The following MED12L variants were observed in gnomAD, a reference collection of about 807,000 sequenced individuals.
MED12L encodes the protein mediator of RNA polymerase II transcription subunit 12-like protein.
Under a neutral mutation model 281.3 loss-of-function variants are expected in MED12L, and 60 were observed. The observed-to-expected ratio is 0.21, with a 90% CI of 0.17 to 0.26. The LOEUF is 0.26. MED12L is among the 10% of genes least tolerant of loss of function. MED12L has a pLI of 1.00. For missense variants in MED12L, 2,146 were observed against 2,680.9 expected, an observed-to-expected ratio of 0.80 and a Z score of 4.41; for synonymous variants, 974 against 987.2, an observed-to-expected ratio of 0.99 and a Z score of 0.25.
intron 36 of MED12L, among the ~76,000 whole-genome samples, chr3:151,386,803 T>C (rs1713455027): frequency 6.6e-6 from 1 of 152,098 alleles, no homozygotes; most frequent in Admixed American, 6.5e-5. Flanking sequence ...CTTGAACTCC[T>C]GACCTCGTGA....
At chr3:151,185,230 A>G (rs915574495) in intron 11 of MED12L, 100 bp from the exon 12 acceptor site, 11 of 1,155,770 alleles carry the variant, frequency 9.5e-6, no homozygotes, top group Non-Finnish European at 1.3e-5. Flanking sequence ...AACATGGAAA[A>G]AAGCTTTAAA....
At chr3:151,377,785 A>G (rs1285813949) in intron 30 of MED12L, among the ~76,000 whole-genome samples, 1 of 152,230 alleles carries the variant, frequency 6.6e-6, no homozygotes, top group African/African-American at 2.4e-5. Flanking sequence ...TTTAGTTACA[A>G]TATCCTTCCA....
intron 16 of MED12L, among the ~76,000 whole-genome samples, chr3:151,242,449 C>CA (rs1483236849): frequency 6.6e-6 from 1 of 152,004 alleles, no homozygotes; most frequent in East Asian, 1.9e-4. Context: ...ACTGCCTCCT[C>CA]AAGTGGGTCC....
chr3:151,250,410 C>T (rs1478415163), intron 16 of MED12L, among the ~76,000 whole-genome samples: 1 of 152,168 alleles, frequency 6.6e-6, no homozygotes, highest in Non-Finnish European at 1.5e-5. Context: ...AACTAAAATT[C>T]TGTACCCATT....
At chr3:151,388,650 A>G (rs1466853646) in intron 37 of MED12L, among the ~76,000 whole-genome samples, 2 of 152,180 alleles carry the variant, frequency 1.3e-5, no homozygotes, top group East Asian at 1.9e-4. Context: ...ATGTTTTACT[A>G]TTCCATCTTA....
chr3:151,413,223 C>T lies in MED12L; in HGVS notation c.6225C>T (p.Pro2075=). The change falls in exon 42 of 45, where the codon CCC becomes CCT. Residue 2075 remains proline (P), a synonymous_variant. Coordinates refer to ENST00000687756, the MANE Select transcript of MED12L (RefSeq NM_001393769.1). ...AVLTSAHPNL[P]SVPLPQDPMR... is the part of the protein sequence containing the mutation. ...TGACTTCTGCACATCCAAACCTTCC[C>T]TCCGTGCCCCTGCCTCAGGATCCCA... 1.2e-6 allele frequency: 2 copies of T among 1,614,210 alleles called. No homozygotes were observed. The highest frequency in any genetic ancestry group is 1.7e-6 in the Non-Finnish European group (2 of 1,180,036).
At position 151,337,745 on chromosome 3, in the gene MED12L, A is replaced by G. The variant is rs573586837; in HGVS notation, c.2251-12314A>G. On this transcript the variant is annotated intron_variant, in intron 16 of 44. Transcript: ENST00000687756. ...CTTAGTTGCTTCTTCGTCAGTTAAT[A>G]TTTTTACTTAGCGCTTTGCTTTAAC... The G allele has an allele frequency of 1.6e-5, 24 of 1,477,642 alleles. 1 individual carries two copies. The East Asian group carries it at 4.3e-4, about 26-fold the overall frequency. The allele number at this position is 1,477,642 out of a possible 1,614,324, so 91.5% of individuals were successfully genotyped here.
At chr3:151,265,931 A>G (rs1739739833) in intron 16 of MED12L, among the ~76,000 whole-genome samples, 1 of 152,198 alleles carries the variant, frequency 6.6e-6, no homozygotes, top group African/African-American at 2.4e-5. Context: ...GATGGCAGGC[A>G]AAGGGCATCA....
chr3:151,410,134 G>C (rs1177789152), intron 40 of MED12L, among the ~76,000 whole-genome samples: 1 of 152,172 alleles, frequency 6.6e-6, no homozygotes, highest in African/African-American at 2.4e-5. Context: ...CTGTAAAATA[G>C]AGATGAAGTG....
rs1210952249 is a variant in MED12L, at chr3:151,433,794, G to T, written c.*990G>T. 6.6e-6 allele frequency: 1 copy of T among 152,598 alleles called. No homozygotes were observed. The highest frequency in any genetic ancestry group is 1.5e-5 in the Non-Finnish European group (1 of 68,004). The allele number at this position is 152,598 out of a possible 1,614,324, so 9.5% of individuals were successfully genotyped here. On this transcript the variant is annotated 3_prime_UTR_variant, in exon 45 of 45. Coordinates refer to ENST00000687756, the MANE Select transcript of MED12L (RefSeq NM_001393769.1). ...AAAAGGTGTATTTGCTGTTTATTTTGTATGGTAAGTATTTGCTCTTTTGAA... is the reference window on the plus strand; with the variant it reads ...AAAAGGTGTATTTGCTGTTTATTTTTTATGGTAAGTATTTGCTCTTTTGAA...
intron 16 of MED12L, among the ~76,000 whole-genome samples, chr3:151,249,583 A>T (rs1216762720): frequency 6.6e-6 from 1 of 152,084 alleles, no homozygotes; most frequent in Non-Finnish European, 1.5e-5. Flanking sequence ...CTCTAGACTT[A>T]TCCTGGTCTA....
intron 2 of MED12L, among the ~76,000 whole-genome samples, chr3:151,113,587 A>G (rs2567321): frequency 0.03 from 4,629 of 152,316 alleles, 163 homozygotes; most frequent in Admixed American, 0.088. Context: ...GCATGAGATG[A>G]TGCAGTGGTG....
At chr3:151,261,411 A>T (rs1299241132) in intron 16 of MED12L, 1 of 152,100 alleles carries the variant, frequency 6.6e-6, no homozygotes, top group Admixed American at 6.5e-5. Flanking sequence ...GGTAAGAGGG[A>T]TGGTGGCCAT....
At chr3:151,302,727 A>G (rs960549192) in intron 16 of MED12L, among the ~76,000 whole-genome samples, 14 of 151,598 alleles carry the variant, frequency 9.2e-5, no homozygotes, top group Non-Finnish European at 2.1e-4. Context: ...CTCTCTCCCT[A>G]CCTTGGGAAT....
At chr3:151,126,769 A>G (rs1714597808) in intron 4 of MED12L, among the ~76,000 whole-genome samples, 1 of 152,218 alleles carries the variant, frequency 6.6e-6, no homozygotes, top group Non-Finnish European at 1.5e-5. Context: ...AATCCTTGGA[A>G]CTGACAACAA....
At chr3:151,149,226 G>A (rs547001978) in intron 5 of MED12L, among the ~76,000 whole-genome samples, 7 of 152,180 alleles carry the variant, frequency 4.6e-5, no homozygotes, top group Non-Finnish European at 1.0e-4. Context: ...CCTGCTAGGT[G>A]ATGAAGTGGT....
chr3:151,110,388 C>T (rs1175901056), intron 2 of MED12L, among the ~76,000 whole-genome samples: 1 of 152,162 alleles, frequency 6.6e-6, no homozygotes, highest in Non-Finnish European at 1.5e-5. Flanking sequence ...CTCCCTGAGG[C>T]TGTGGTTTTC....
chr3:151,407,158 C>T (rs73159920), intron 39 of MED12L, among the ~76,000 whole-genome samples: 44,273 of 152,060 alleles, frequency 0.29, 7,436 homozygotes, highest in Non-Finnish European at 0.38. Context: ...AAGAATATTG[C>T]CCAATAGCTC....
chr3:151,303,688 A>G (rs1438041582), intron 16 of MED12L, among the ~76,000 whole-genome samples: 1 of 152,154 alleles, frequency 6.6e-6, no homozygotes, highest in Middle Eastern at 3.2e-3. Flanking sequence ...GCTTGAACCC[A>G]GGAGGCGGAA....
Sources: gnomAD v4.1 joint callset for allele counts (sites outside exome capture counted in the v4.1 genomes callset) on GRCh38, gnomAD v4.1.1 for gene constraint, MANE v1.5 for transcripts, NCBI Gene and HGNC (gene_info 2026-07-23, HGNC 2026-07-21) for gene names.